Variants in CEMIP observed in about 807,000 individuals in gnomAD.
CEMIP encodes cell migration inducing hyaluronidase 1.
CEMIP carries 105 observed loss-of-function variants against 156.9 expected under a neutral mutation model. The ratio of observed to expected loss-of-function variants is 0.67; its 90% confidence interval spans 0.57 to 0.79. The LOEUF is 0.79. CEMIP is among the 30% of genes least tolerant of loss of function. The pLI is 0.00. For missense variants in CEMIP, 1,457 were observed against 1,769.4 expected (o/e 0.82, Z 3.17); for synonymous variants, 676 against 668.4 (o/e 1.01, Z -0.17).
At chr15:80,917,417 G>A (rs915941551) in intron 14 of CEMIP, among the ~76,000 whole-genome samples, 1 of 152,184 alleles carries the variant, frequency 6.6e-6, no homozygotes, top group African/African-American at 2.4e-5. Flanking sequence ...CCTCTGTAAA[G>A]TTGGAGGCAT....
At chr15:80,881,252 T>G in intron 6 of CEMIP, 116 bp downstream of exon 6, 1 of 894,174 alleles carries the variant, frequency 1.1e-6, no homozygotes, top group Non-Finnish European at 1.9e-6. Context: ...ATGAAACAGA[T>G]GGGAATCCCT....
At chr15:80,928,617 C>A (rs537045224) in intron 19 of CEMIP, among the ~76,000 whole-genome samples, 1 of 152,268 alleles carries the variant, frequency 6.6e-6, no homozygotes, top group East Asian at 1.9e-4. Context: ...GAGAGGGAGG[C>A]ATATGGACCC....
chr15:80,944,969 AC>A (rs1901486895), intron 28 of CEMIP, among the ~76,000 whole-genome samples: 1 of 152,002 alleles, frequency 6.6e-6, no homozygotes, highest in Non-Finnish European at 1.5e-5. Flanking sequence ...GTACCACTAG[AC>A]CCCTCTCTAA....
rs1290765933 is a variant in CEMIP at position 80,873,874 on chromosome 15, G to A, written c.-6G>A. On this transcript the variant is annotated 5_prime_UTR_variant, in exon 3 of 30. Transcript: ENST00000394685. Reference sequence around the variant, plus strand: ...GTGCTTCTCTTTCAGGGAGCACACTGCCAGGATGGGAGCTGCTGGGAGGCA... The same window carrying A: ...GTGCTTCTCTTTCAGGGAGCACACTACCAGGATGGGAGCTGCTGGGAGGCA... The A allele has an allele frequency of 6.4e-7, 1 of 1,574,432 alleles. No individual in the cohort carries two copies. Among genetic ancestry groups the A allele is most frequent in the Admixed American group, 1.8e-5 (1 of 54,288 alleles).
intron 1 of CEMIP, among the ~76,000 whole-genome samples, chr15:80,870,465 TG>T (rs1488541815): frequency 6.6e-6 from 1 of 152,206 alleles, no homozygotes; most frequent in African/African-American, 2.4e-5. Context: ...GGAGTGCCGT[TG>T]CTCTGCAGCC....
Position 80,878,838 on chromosome 15 carries a change from C to T in CEMIP, c.212C>T (p.Thr71Met), listed in dbSNP as rs913148462. The change falls in exon 4 of 30, where the codon ACG becomes ATG. Residue 71 changes from threonine to methionine, a missense_variant. Physicochemically the swap from Thr to Met is moderately conservative, Grantham distance 81. Coordinates refer to ENST00000394685, the MANE Select transcript of CEMIP (RefSeq NM_001293298.2). ...GKTLLLTSSATVYSIHISEGG... is the reference protein window; with the variant it reads ...GKTLLLTSSAMVYSIHISEGG... The stretch of plus-strand genomic sequence containing the variant: ...ACACTGCTGCTCACCTCTTCTGCCA[C>T]GGTCTATTCCATCCACATCTCAGAG... 21 of 1,614,194 alleles carry T rather than the reference C, an allele frequency of 1.3e-5. No homozygotes were observed. The highest frequency in any genetic ancestry group is 9.3e-5 in the African/African-American group (7 of 75,052).
At position 80,887,728 on chromosome 15, in the gene CEMIP, C is replaced by T. The variant is rs138423783; in HGVS notation, c.832C>T (p.Pro278Ser). The change falls in exon 8 of 30, where the codon CCA becomes TCA. Residue 278 changes from proline (P) to serine (S), a missense_variant. Pro to Ser is a moderately conservative substitution (Grantham distance 74). Transcript: ENST00000394685. ...PWSFLTVKGNPSSSVEDHIEY... is the reference protein window; with the variant it reads ...PWSFLTVKGNSSSSVEDHIEY... Reference sequence around the variant, plus strand: ...GAGTTTTCTAACTGTGAAAGGAAATCCATCATCTTCAGTGGAAGACCATAT... The same window carrying T: ...GAGTTTTCTAACTGTGAAAGGAAATTCATCATCTTCAGTGGAAGACCATAT... 1.7e-3 allele frequency: 2,743 copies of T among 1,613,294 alleles called. 1 individual carries two copies. The highest frequency in any genetic ancestry group is 2.1e-3 in the Non-Finnish European group (2,461 of 1,179,816).
At chr15:80,852,962 T>C (rs553523957) in intron 1 of CEMIP, among the ~76,000 whole-genome samples, 15 of 152,316 alleles carry the variant, frequency 9.8e-5, no homozygotes, top group African/African-American at 3.6e-4. Context: ...TCATGAGTCC[T>C]TCAAGCCTGC....
chr15:80,889,440 T>C, intron 9 of CEMIP, 31 bp from the exon 10 acceptor site: 1 of 1,613,770 alleles, frequency 6.2e-7, no homozygotes, highest in Non-Finnish European at 8.5e-7. Context: ...GACAACCTCC[T>C]GTCTGACTGT....
At chr15:80,872,341 A>G (rs904155969) in intron 1 of CEMIP, among the ~76,000 whole-genome samples, 3 of 152,212 alleles carry the variant, frequency 2.0e-5, no homozygotes, top group Admixed American at 6.5e-5. Context: ...TAAGTTCTCT[A>G]TGTGTGCTAC....
intron 1 of CEMIP, among the ~76,000 whole-genome samples, chr15:80,829,963 C>T (rs78087839): frequency 0.041 from 3,458 of 84,568 alleles, 149 homozygotes; most frequent in African/African-American, 0.14. Context: ...AGGGAGGTAG[C>T]GGGTGTGTGT....
rs1449751128 is a variant in CEMIP at position 80,948,861 on chromosome 15, G to A, written c.4023G>A (p.Glu1341=). The change falls in exon 30 of 30, where the codon GAG becomes GAA. Residue 1341 remains glutamate (E), a synonymous_variant. Coordinates refer to ENST00000394685, the MANE Select transcript of CEMIP (RefSeq NM_001293298.2). ...FRPIWVTLDT[E]DHKAKIFQVV... is the part of the protein sequence containing the mutation. The stretch of plus-strand genomic sequence containing the variant: ...CCATCTGGGTGACACTGGACACTGA[G>A]GATCACAAAGCCAAAATCTTCCAAG... 2.5e-6 allele frequency: 4 copies of A among 1,614,096 alleles called. No homozygotes were observed. The highest frequency in any genetic ancestry group is 2.7e-5 in the African/African-American group (2 of 74,954).
Position 80,920,142 on chromosome 15 carries a change from G to A in CEMIP, c.1846G>A (p.Glu616Lys). Residue 616 changes from glutamate (E) to lysine (K), a missense_variant, in exon 15 of 30, where the codon GAA becomes AAA. By Grantham distance (56) the Glu-to-Lys change is moderately conservative. Coordinates refer to ENST00000394685, the MANE Select transcript of CEMIP (RefSeq NM_001293298.2). ...YNSLGHCFFT[E>K]DGPEERNTFD... ...CTCTTTGGGCCACTGCTTCTTCACGGAAGATGGGCCGGAGGAACGCAACAC... is the reference window on the plus strand; with the variant it reads ...CTCTTTGGGCCACTGCTTCTTCACGAAAGATGGGCCGGAGGAACGCAACAC... 6.2e-7 allele frequency: 1 copy of A among 1,614,212 alleles called. No homozygotes were observed. The highest frequency in any genetic ancestry group is 8.5e-7 in the Non-Finnish European group (1 of 1,180,042).
chr15:80,826,920 T>C (rs1897050602), intron 1 of CEMIP, among the ~76,000 whole-genome samples: 1 of 152,192 alleles, frequency 6.6e-6, no homozygotes, highest in African/African-American at 2.4e-5. Flanking sequence ...CATTTAATCC[T>C]CTTAATAACT....
chr15:80,920,113 A>G lies in CEMIP; in HGVS notation c.1817A>G (p.Tyr606Cys). 1.2e-6 allele frequency: 2 copies of G among 1,614,224 alleles called. No homozygotes were observed. Among genetic ancestry groups the G allele is most frequent in the East Asian group, 2.2e-5 (1 of 44,878 alleles). ...NGLLIKDVVG[Y>C]NSLGHCFFTE... is the part of the protein sequence containing the mutation. Reference sequence around the variant, plus strand: ...CTGCAGATCAAGGACGTTGTGGGCTATAACTCTTTGGGCCACTGCTTCTTC... The same window carrying G: ...CTGCAGATCAAGGACGTTGTGGGCTGTAACTCTTTGGGCCACTGCTTCTTC... Residue 606 changes from tyrosine to cysteine, a missense_variant, in exon 15 of 30, where the codon TAT becomes TGT. Around this residue, in one of 5 missense-constraint regions of CEMIP, gnomAD observed 53 missense variants for 104.5 expected, o/e 0.51. Coordinates refer to ENST00000394685, the MANE Select transcript of CEMIP (RefSeq NM_001293298.2).
intron 25 of CEMIP, among the ~76,000 whole-genome samples, chr15:80,941,100 G>A (rs1429757192): frequency 6.6e-6 from 1 of 152,140 alleles, no homozygotes; most frequent in Non-Finnish European, 1.5e-5. Context: ...GGGTTTGGGG[G>A]CGAGGGCATT....
At chr15:80,844,412 G>A (rs912731909) in intron 1 of CEMIP, among the ~76,000 whole-genome samples, 1 of 152,236 alleles carries the variant, frequency 6.6e-6, no homozygotes. Context: ...GGGGCAGGAG[G>A]GGGTGGAAAC....
At chr15:80,900,132 T>C (rs1899411802) in intron 12 of CEMIP, among the ~76,000 whole-genome samples, 1 of 152,200 alleles carries the variant, frequency 6.6e-6, no homozygotes, top group South Asian at 2.1e-4. Context: ...AGTTCTCACT[T>C]TGAGCAGGTC....
In CEMIP at chr15:80,865,896, C is replaced by T. The variant is rs375930845; in HGVS notation, c.-175-7642C>T. Among the ~76,000 whole-genome samples the T allele has an allele frequency of 3.9e-5, 6 of 152,268 alleles. No individual in the cohort carries two copies. In the East Asian group the frequency reaches 7.7e-4, roughly 20 times the overall value. ...CATGTGCATTATTTAGATTTCAGTG[C>T]CTGTTGCACAGGGGTATGGGACTGG... On this transcript the variant is annotated intron_variant, in intron 1 of 29. Transcript: ENST00000394685.
Sources: gnomAD v4.1 joint callset for allele counts (sites outside exome capture counted in the v4.1 genomes callset) on GRCh38, gnomAD v4.1.1 for gene constraint, gnomAD v4.1.1 regional missense constraint, MANE v1.5 for transcripts, NCBI Gene and HGNC (gene_info 2026-07-23, HGNC 2026-07-21) for gene names.